SNAP47: variants seen among roughly 807,000 people sequenced by gnomAD.
SNAP47 encodes the protein synaptosome associated protein 47.
In SNAP47, 20 loss-of-function variants were observed where a neutral mutation model predicts 31.4. That is an observed-to-expected ratio of 0.64 (90% CI 0.45 to 0.93). SNAP47 has a LOEUF of 0.93. Among genes scored for constraint, SNAP47 ranks in the 40% least tolerant of loss-of-function variants. The probability of loss-of-function intolerance (pLI) is 0.00; values close to 1 mark genes in which losing one functional copy is unlikely to be tolerated. For synonymous variants in SNAP47, 194 were observed against 213.4 expected (o/e 0.91, Z 0.79); for missense variants, 492 against 528.5 (o/e 0.93, Z 0.68).
intron 2 of SNAP47, among the ~76,000 whole-genome samples, chr1:227,757,688 C>T (rs898524005): frequency 1.3e-5 from 2 of 152,120 alleles, no homozygotes; most frequent in African/African-American, 4.8e-5. Flanking sequence ...TTGAGATCTG[C>T]AATAACTAAT....
rs77381560 is a variant in SNAP47 at position 227,770,727 on chromosome 1, G to T, written c.1113+3644G>T. 619 of 154,644 alleles carry T rather than the reference G, an allele frequency of 4.0e-3. 8 individuals carry two copies. Among genetic ancestry groups the T allele is most frequent in the African/African-American group, 0.014 (587 of 41,638 alleles). The allele number at this position is 154,644 out of a possible 1,614,324, so 9.6% of individuals were successfully genotyped here. The stretch of plus-strand genomic sequence containing the variant: ...AAACATGTGTGTGTACCTAATGAAT[G>T]TAAGATAATCATATTCACAGAGTGT... On this transcript the variant is annotated intron_variant, in intron 4 of 4. Coordinates refer to ENST00000617596, the MANE Select transcript of SNAP47 (RefSeq NM_053052.4).
At chr1:227,757,010 C>G (rs530068101) in intron 2 of SNAP47, among the ~76,000 whole-genome samples, 2 of 152,350 alleles carry the variant, frequency 1.3e-5, no homozygotes, top group South Asian at 4.1e-4. Flanking sequence ...GGAACTTTCT[C>G]CAGATGAGGG....
At position 227,748,212 on chromosome 1, in the gene SNAP47, C is replaced by CA. The variant is rs1231819393; in HGVS notation, c.477dup (p.Asp160ArgfsTer21). The CA allele has an allele frequency of 6.3e-7, 1 of 1,594,994 alleles. No individual in the cohort carries two copies. Among genetic ancestry groups the CA allele is most frequent in the East Asian group, 2.2e-5 (1 of 44,652 alleles). ...ATGAGAGGCCTGGACAAGATGGAGT[C>CA]AGACCTGGAGGTGGCGGACAGGTGG... On this transcript the variant is annotated frameshift_variant, in exon 2 of 5. Coordinates refer to ENST00000617596, the MANE Select transcript of SNAP47 (RefSeq NM_053052.4). LOFTEE classifies it high-confidence loss of function.
At chr1:227,746,039 T>A (rs1184795066) in intron 1 of SNAP47, 1 of 152,282 alleles carries the variant, frequency 6.6e-6, no homozygotes, top group Non-Finnish European at 1.5e-5. Flanking sequence ...CACAGGGCAT[T>A]CAGTCAAGGC....
At chr1:227,742,304 G>A (rs1370799751) in intron 1 of SNAP47, among the ~76,000 whole-genome samples, 2 of 152,034 alleles carry the variant, frequency 1.3e-5, no homozygotes, top group Non-Finnish European at 2.9e-5. Flanking sequence ...GTACAATCAC[G>A]ACTCACTGCA....
At chr1:227,771,668 C>G (rs960914071) in intron 4 of SNAP47, among the ~76,000 whole-genome samples, 2 of 144,122 alleles carry the variant, frequency 1.4e-5, no homozygotes, top group African/African-American at 5.1e-5. Context: ...ACCCCCACCC[C>G]CACCCCCACC....
intron 1 of SNAP47, chr1:227,746,631 C>T (rs2102913661): frequency 6.6e-6 from 1 of 152,344 alleles, no homozygotes; most frequent in South Asian, 2.1e-4. Context: ...TAGCAGGACT[C>T]ATGAACGTGC....
chr1:227,739,201 C>T (rs988062252), intron 1 of SNAP47, among the ~76,000 whole-genome samples: 2 of 152,168 alleles, frequency 1.3e-5, no homozygotes, highest in Non-Finnish European at 2.9e-5. Context: ...TCCTCTGTCA[C>T]TCAGGCTGGA....
upstream of SNAP47, chr1:227,734,817 CTGAAA>C (rs1387340109): frequency 4.3e-6 from 7 of 1,613,758 alleles, no homozygotes; most frequent in Non-Finnish European, 5.9e-6. Flanking sequence ...ACCACGTCTC[CTGAAA>C]TGAAAGGCAC....
At chr1:227,740,546 G>C (rs1220999664) in intron 1 of SNAP47, among the ~76,000 whole-genome samples, 3 of 152,112 alleles carry the variant, frequency 2.0e-5, no homozygotes, top group African/African-American at 7.2e-5. Flanking sequence ...TCTCATTCAG[G>C]GGGCACACAT....
chr1:227,755,287 T>G (rs375599764), intron 2 of SNAP47, among the ~76,000 whole-genome samples: 152 of 152,320 alleles, frequency 1.0e-3, no homozygotes, highest in African/African-American at 3.5e-3. Context: ...CATTCCAGCC[T>G]CCAACTCCTG....
At position 227,781,201 on chromosome 1, in the gene SNAP47, A is replaced by G. The variant is rs1664442170; in HGVS notation, c.*528A>G. On this transcript the variant is annotated 3_prime_UTR_variant, in exon 5 of 5. Coordinates refer to ENST00000617596, the MANE Select transcript of SNAP47 (RefSeq NM_053052.4). ...TGCTTTTAGGGCCCCGTTTCCATCC[A>G]GAAATAAAGGGAAATGCTGGCTTCA... 1 of 153,966 alleles carries G rather than the reference A, an allele frequency of 6.5e-6. No homozygotes were observed. Among genetic ancestry groups the G allele is most frequent in the Admixed American group, 6.4e-5 (1 of 15,610 alleles). 9.5% of individuals were successfully genotyped at this position (153,966 alleles called of 1,614,324 possible).
In SNAP47 at chr1:227,762,027, C is replaced by T. The variant is rs1295885585; in HGVS notation, c.988+2542C>T. 6.6e-6 allele frequency among the ~76,000 whole-genome samples: 1 copy of T among 152,224 alleles called. No homozygotes were observed. The highest frequency in any genetic ancestry group is 2.4e-5 in the African/African-American group (1 of 41,468). On this transcript the variant is annotated intron_variant, in intron 3 of 4. Coordinates refer to ENST00000617596, the MANE Select transcript of SNAP47 (RefSeq NM_053052.4). This position sits in a 1 kb window ranked among gnomAD's most constrained non-coding sequence, Gnocchi z 4.2. The stretch of plus-strand genomic sequence containing the variant: ...GGAGGGCCCCCTTAGTTCAGGTCAC[C>T]TGAGTGTGGGTTGTAGCCACAGCGA...
Position 227,759,419 on chromosome 1 carries a change from G to C in SNAP47, c.922G>C (p.Ala308Pro). Residue 308 changes from alanine (A) to proline (P), a missense_variant, in exon 3 of 5, where the codon GCA becomes CCA. Ala to Pro is a conservative substitution (Grantham distance 27). Transcript: ENST00000617596. ...FSKKMELLED[A>P]LVLRSARTSS... is the part of the protein sequence containing the mutation. ...CAAGAAGATGGAGCTGTTAGAAGAT[G>C]CATTGGTGCTCAGAAGCGCAAGAAC... is the stretch of plus-strand genomic sequence containing the variant. 6.2e-7 allele frequency: 1 copy of C among 1,614,230 alleles called. No individual in the cohort carries two copies.
At chr1:227,772,868 A>G (rs532178881) in intron 4 of SNAP47, among the ~76,000 whole-genome samples, 41 of 152,362 alleles carry the variant, frequency 2.7e-4, no homozygotes, top group African/African-American at 9.9e-4. Context: ...TCCGTTAGCC[A>G]TAGATAATAT....
chr1:227,779,466 C>T (rs114887838), intron 4 of SNAP47, among the ~76,000 whole-genome samples: 1,570 of 152,252 alleles, frequency 0.01, 17 homozygotes, highest in African/African-American at 0.033. Flanking sequence ...GCTGTAGGGG[C>T]CCCCCTCAAG....
chr1:227,736,533 TTTTTG>T (rs1661191433), intron 1 of SNAP47: 2 of 122,890 alleles, frequency 1.6e-5, no homozygotes, highest in African/African-American at 6.6e-5. Context: ...TTTTTTTTTT[TTTTTG>T]AGACAGTATG....
upstream of SNAP47, chr1:227,733,708 T>C (rs2102864648): frequency 6.3e-7 from 1 of 1,598,966 alleles, no homozygotes; most frequent in Non-Finnish European, 8.5e-7. Flanking sequence ...GCCTGGTTCA[T>C]GCCTGTAGGG....
chr1:227,773,417 A>G (rs2102993054), intron 4 of SNAP47, among the ~76,000 whole-genome samples: 1 of 152,352 alleles, frequency 6.6e-6, no homozygotes, highest in East Asian at 1.9e-4. Context: ...GTTAAAGAAA[A>G]TCGTAGTTTG....
Sources: allele counts gnomAD v4.1 joint callset (sites outside exome capture counted in the v4.1 genomes callset), GRCh38; gene constraint gnomAD v4.1.1; non-coding constraint Gnocchi (gnomAD v3.1); transcripts MANE v1.5; gene names NCBI Gene and HGNC (gene_info 2026-07-23, HGNC 2026-07-21).